Variants in ANKRD44 observed in about 807,000 individuals in gnomAD.
ANKRD44 encodes the protein serine/threonine-protein phosphatase 6 regulatory ankyrin repeat subunit B.
Under a neutral mutation model 116.0 loss-of-function variants are expected in ANKRD44, and 35 were observed. That is an observed-to-expected ratio of 0.30 (90% CI 0.23 to 0.40). The LOEUF (loss-of-function observed/expected upper bound fraction) is 0.40, where lower values mean the gene tolerates loss of function less well. ANKRD44 is among the 10% of genes least tolerant of loss of function. ANKRD44 has a pLI of 1.00. For synonymous variants in ANKRD44, 435 were observed against 461.8 expected, an observed-to-expected ratio of 0.94 and a Z score of 0.74; for missense variants, 1,014 against 1,242.6, an observed-to-expected ratio of 0.82 and a Z score of 2.77.
intron 1 of ANKRD44, chr2:197,197,841 A>AAGAAAG (rs2080995098): frequency 6.6e-6 from 1 of 150,542 alleles, no homozygotes; most frequent in Admixed American, 6.6e-5. Flanking sequence ...GAAAGAAAGA[A>AAGAAAG]ACACAGAAAA....
rs149164489 is a variant in ANKRD44, at chr2:196,989,255, T to C, written c.*336A>G. The C allele has an allele frequency of 5.3e-3, 5,203 of 984,402 alleles. 20 individuals are homozygous for C. The highest frequency in any genetic ancestry group is 5.9e-3 in the Non-Finnish European group (4,911 of 830,678). 61.0% of individuals were successfully genotyped at this position (984,402 alleles called of 1,614,324 possible). A position where few individuals can be genotyped will look rare whatever the true frequency, so the allele number is the denominator to read the frequency against. On this transcript the variant is annotated 3_prime_UTR_variant, in exon 28 of 28. Transcript: ENST00000282272. ...TATAAACACATTTACAGCAAAAGTATATGGACATTTTCTCTAGTTTGGCAA... is the reference window on the plus strand; with the variant it reads ...TATAAACACATTTACAGCAAAAGTACATGGACATTTTCTCTAGTTTGGCAA...
chr2:197,302,082 G>A (rs1233712347), intron 1 of ANKRD44, among the ~76,000 whole-genome samples: 4 of 152,230 alleles, frequency 2.6e-5, no homozygotes, highest in Non-Finnish European at 5.9e-5. Flanking sequence ...CAAGGGTCCC[G>A]AGGCAGGAGC....
chr2:197,175,860 C>T (rs1534463), intron 2 of ANKRD44, among the ~76,000 whole-genome samples: 86,288 of 152,016 alleles, frequency 0.57, 28,291 homozygotes, highest in East Asian at 0.88. Flanking sequence ...AAGGCTATTA[C>T]ATACCATGGC....
chr2:197,083,686 T>C (rs1046490258), intron 13 of ANKRD44, among the ~76,000 whole-genome samples, 177 bp from the exon 14 acceptor site: 8 of 152,210 alleles, frequency 5.3e-5, no homozygotes, highest in Admixed American at 4.6e-4. Context: ...TTATCTGAAA[T>C]GCTTGGAACT....
intron 3 of ANKRD44, among the ~76,000 whole-genome samples, chr2:197,141,015 G>A (rs781100919): frequency 1.3e-5 from 2 of 152,222 alleles, no homozygotes; most frequent in African/African-American, 2.4e-5. Flanking sequence ...TCAGGAGTTC[G>A]AGGCCAACCT....
chr2:197,155,324 G>A (rs556328532), intron 2 of ANKRD44, among the ~76,000 whole-genome samples: 4 of 152,310 alleles, frequency 2.6e-5, no homozygotes, highest in African/African-American at 9.6e-5. Flanking sequence ...TTCAAAACCA[G>A]ATCTGATTCC....
At chr2:197,263,037 T>C (rs981513955) in intron 1 of ANKRD44, 1 of 302,224 alleles carries the variant, frequency 3.3e-6, no homozygotes, top group Non-Finnish European at 6.4e-6. Context: ...TGAATAATAA[T>C]GCCTCTTTAA....
intron 9 of ANKRD44, among the ~76,000 whole-genome samples, chr2:197,110,079 C>T (rs1264280857): frequency 6.6e-6 from 1 of 152,040 alleles, no homozygotes; most frequent in African/African-American, 2.4e-5. Context: ...CGAGTTCAAG[C>T]GATTCTCCTG....
At chr2:197,122,589 TA>T (rs2078881039) in intron 7 of ANKRD44, 60 bp downstream of exon 7, 1 of 1,558,928 alleles carries the variant, frequency 6.4e-7, no homozygotes, top group African/African-American at 1.4e-5. Flanking sequence ...GATTTAACTT[TA>T]GAATAACAGA....
intron 1 of ANKRD44, 117 bp from the exon 2 acceptor site, chr2:197,187,223 G>C: frequency 1.0e-6 from 1 of 984,932 alleles, no homozygotes; most frequent in East Asian, 2.6e-5. Flanking sequence ...TCAGTTGGCA[G>C]ACAAAGATGA....
chr2:197,152,981 C>T (rs2079694635), intron 2 of ANKRD44, among the ~76,000 whole-genome samples: 1 of 152,034 alleles, frequency 6.6e-6, no homozygotes, highest in East Asian at 1.9e-4. Flanking sequence ...CTTCGGGAGG[C>T]TGAGGCAGAT....
chr2:197,010,299 C>T (rs904075130), intron 18 of ANKRD44, among the ~76,000 whole-genome samples: 5 of 152,292 alleles, frequency 3.3e-5, no homozygotes, highest in South Asian at 2.1e-4. Flanking sequence ...CTCAGCCCCA[C>T]GGTCACCGAG....
At chr2:197,017,929 G>C (rs532739098) in intron 17 of ANKRD44, among the ~76,000 whole-genome samples, 27 of 152,346 alleles carry the variant, frequency 1.8e-4, no homozygotes, top group African/African-American at 6.5e-4. Context: ...AGTGTCTGCT[G>C]AAAGCAAGGG....
intron 1 of ANKRD44, among the ~76,000 whole-genome samples, chr2:197,232,220 C>T (rs184592593): frequency 6.6e-6 from 1 of 152,238 alleles, no homozygotes; most frequent in East Asian, 1.9e-4. Context: ...CACGCAGACC[C>T]AAAGATATAG....
chr2:197,026,379 G>A (rs1380959893), intron 16 of ANKRD44, among the ~76,000 whole-genome samples: 3 of 152,236 alleles, frequency 2.0e-5, no homozygotes, highest in Non-Finnish European at 4.4e-5. Flanking sequence ...GTAACTTTAT[G>A]TAGGGTGATT....
At chr2:197,092,523 C>T (rs1574439826) in intron 10 of ANKRD44, among the ~76,000 whole-genome samples, 2 of 152,294 alleles carry the variant, frequency 1.3e-5, no homozygotes, top group Non-Finnish European at 1.5e-5. Context: ...TTTCTCTTTC[C>T]ATAATAGCTT....
Position 197,102,572 on chromosome 2 carries a change from T to C in ANKRD44, c.986-2642A>G, listed in dbSNP as rs372533551. Among the ~76,000 whole-genome samples the C allele has an allele frequency of 3.7e-4, 57 of 152,350 alleles. No homozygotes were observed. In the East Asian group the frequency reaches 5.4e-3, roughly 14 times the overall value. On this transcript the variant is annotated intron_variant, in intron 9 of 27. Transcript: ENST00000282272. ...GAGGGAAGTTGAACATCTTTTCATA[T>C]GTTATAGAAGGACCATTTGTTTATC... is the stretch of plus-strand genomic sequence containing the variant.
intron 1 of ANKRD44, among the ~76,000 whole-genome samples, chr2:197,200,329 G>A (rs7591636): frequency 0.56 from 84,485 of 151,660 alleles, 27,798 homozygotes; most frequent in East Asian, 0.88. Context: ...ACTTGAACAA[G>A]GCCTGAACAT....
chr2:197,250,089 T>C (rs1174545433), intron 1 of ANKRD44, among the ~76,000 whole-genome samples: 2 of 152,206 alleles, frequency 1.3e-5, no homozygotes, highest in Admixed American at 1.3e-4. Flanking sequence ...TAACAAAATC[T>C]CTAGAGGTAG....
Sources: gnomAD v4.1 joint callset for allele counts (sites outside exome capture counted in the v4.1 genomes callset) on GRCh38, gnomAD v4.1.1 for gene constraint, MANE v1.5 for transcripts, NCBI Gene and HGNC (gene_info 2026-07-23, HGNC 2026-07-21) for gene names.